DAB2IP: variants seen among roughly 807,000 people sequenced by gnomAD.
DAB2IP encodes the protein disabled homolog 2-interacting protein.
DAB2IP carries 28 observed loss-of-function variants against 107.2 expected under a neutral mutation model. The ratio of observed to expected loss-of-function variants is 0.26; its 90% CI spans 0.19 to 0.36. The LOEUF (loss-of-function observed/expected upper bound fraction) is 0.36, where lower values mean the gene tolerates loss of function less well. DAB2IP is among the 10% of genes least tolerant of loss of function. The pLI, the probability that DAB2IP is intolerant of heterozygous loss-of-function variation, is 1.00. For synonymous variants in DAB2IP, 755 were observed against 706.4 expected (o/e 1.07, Z -1.09); for missense variants, 1,400 against 1,644.7 (o/e 0.85, Z 2.57).
At chr9:121,597,958 T>C (rs68008542) in intron 1 of DAB2IP, among the ~76,000 whole-genome samples, 36,088 of 152,168 alleles carry the variant, frequency 0.24, 5,167 homozygotes, top group South Asian at 0.39. Flanking sequence ...ACCCCATTTC[T>C]GGGAGGCTCT....
intron 3 of DAB2IP, among the ~76,000 whole-genome samples, chr9:121,718,774 G>A (rs991969557): frequency 1.3e-5 from 2 of 152,180 alleles, no homozygotes; most frequent in Admixed American, 6.5e-5. Flanking sequence ...GGAGTTCCCC[G>A]GCTCGTGTTG....
At chr9:121,705,575 G>A (rs1830019432) in intron 3 of DAB2IP, among the ~76,000 whole-genome samples, 1 of 152,240 alleles carries the variant, frequency 6.6e-6, no homozygotes, top group Non-Finnish European at 1.5e-5. Context: ...GTGCCCATGT[G>A]TATAGTGTGT....
intron 1 of DAB2IP, among the ~76,000 whole-genome samples, chr9:121,608,262 C>T (rs902675524): frequency 1.1e-4 from 17 of 152,262 alleles, no homozygotes; most frequent in African/African-American, 2.9e-4. Flanking sequence ...TGTGGAGGTG[C>T]GTGCCCAATT....
chr9:121,678,849 C>CTG (rs1273696311), intron 2 of DAB2IP, 68 bp downstream of exon 2: 1 of 1,387,938 alleles, frequency 7.2e-7, no homozygotes, highest in Admixed American at 2.4e-5. Flanking sequence ...GGGTGCTGCT[C>CTG]TGTGACCCCA....
At chr9:121,691,396 AG>A (rs1326290694) in intron 2 of DAB2IP, among the ~76,000 whole-genome samples, 2 of 151,928 alleles carry the variant, frequency 1.3e-5, no homozygotes, top group African/African-American at 4.8e-5. Flanking sequence ...CCCAGGCAGG[AG>A]GAACAGCCCA....
intron 11 of DAB2IP, among the ~76,000 whole-genome samples, chr9:121,771,352 C>T (rs1471395071): frequency 2.0e-5 from 3 of 152,196 alleles, no homozygotes; most frequent in South Asian, 2.1e-4. Context: ...CCCTACTCTC[C>T]CCTCTCCCGC....
At position 121,698,793 on chromosome 9, in the gene DAB2IP, G is replaced by A. The variant is rs909010107; in HGVS notation, c.229-532G>A. 3.9e-5 allele frequency among the ~76,000 whole-genome samples: 6 copies of A among 152,326 alleles called. No individual in the cohort carries two copies. The East Asian group carries it at 1.2e-3, about 30-fold the overall frequency. The stretch of plus-strand genomic sequence containing the variant: ...CTCATCGGTACCACCGAGGGCTGGA[G>A]AGCAGCGACCTCGCAGCGGAGGAAG... On this transcript the variant is annotated intron_variant, in intron 2 of 15. Coordinates refer to ENST00000408936, the Ensembl canonical transcript of DAB2IP. This position sits in a 1 kb window ranked among gnomAD's most constrained non-coding sequence, Gnocchi z 4.1.
chr9:121,650,342 G>A (rs963570624), upstream of DAB2IP, among the ~76,000 whole-genome samples: 18 of 152,310 alleles, frequency 1.2e-4, no homozygotes, highest in African/African-American at 4.1e-4. Context: ...GGCTCCGCAG[G>A]ACTAGGGACC....
At chr9:121,581,307 T>C (rs1475986479) in intron 1 of DAB2IP, among the ~76,000 whole-genome samples, 1 of 152,164 alleles carries the variant, frequency 6.6e-6, no homozygotes, top group Non-Finnish European at 1.5e-5. Context: ...TCCAGTTCCC[T>C]GTTTAGTGGC....
intron 3 of DAB2IP, among the ~76,000 whole-genome samples, chr9:121,715,888 C>G (rs1830578818): frequency 6.6e-6 from 1 of 152,174 alleles, no homozygotes; most frequent in Non-Finnish European, 1.5e-5. Context: ...TTGTAAACTT[C>G]CCAAGGTTTC....
At chr9:121,651,498 C>G (rs372406704), upstream of DAB2IP, 1 of 255,288 alleles carries the variant, frequency 3.9e-6, no homozygotes, top group Non-Finnish European at 6.2e-6. This position sits in a 1 kb window ranked among gnomAD's most constrained non-coding sequence, Gnocchi z 5.1. Flanking sequence ...CCTCGCCCCG[C>G]CGATTCCAGG....
intron 7 of DAB2IP, 22 bp from the exon 8 acceptor site, chr9:121,763,713 C>T (rs1352968535): frequency 6.2e-7 from 1 of 1,613,018 alleles, no homozygotes; most frequent in Admixed American, 1.7e-5. Flanking sequence ...TCACTCCCCA[C>T]TCCCTGCCCA....
chr9:121,714,475 G>A (rs1000918555), intron 3 of DAB2IP, among the ~76,000 whole-genome samples: 4 of 152,188 alleles, frequency 2.6e-5, no homozygotes, highest in South Asian at 2.1e-4. Context: ...AGCTATTGGC[G>A]CTGTGAGCCT....
Position 121,748,292 on chromosome 9 carries a change from C to T in DAB2IP, c.363-8721C>T, listed in dbSNP as rs114278333. Among the ~76,000 whole-genome samples the T allele has an allele frequency of 9.9e-3, 1,502 of 152,274 alleles. 26 individuals are homozygous for T. Among genetic ancestry groups the T allele is most frequent in the African/African-American group, 0.034 (1,399 of 41,544 alleles). On this transcript the variant is annotated intron_variant, in intron 3 of 15. Coordinates refer to ENST00000408936, the Ensembl canonical transcript of DAB2IP. ...CCAAAGACTCCTTCAGGGAGAGGAA[C>T]GGGCCGTTGCTGGGGTGCTGGGCTG...
Position 121,569,544 on chromosome 9 carries a change from G to A in DAB2IP, c.40+2316G>A, listed in dbSNP as rs1829885296. ...AACAGAAATTAAAACAGAAGGCTGGGCGCAGTGGCTCATGCCTGAAATCCC... is the reference window on the plus strand; with the variant it reads ...AACAGAAATTAAAACAGAAGGCTGGACGCAGTGGCTCATGCCTGAAATCCC... On this transcript the variant is annotated intron_variant, in intron 1 of 16. Transcript: ENST00000259371. 1.3e-5 allele frequency among the ~76,000 whole-genome samples: 2 copies of A among 152,246 alleles called. 1 individual carries two copies. The highest frequency in any genetic ancestry group is 4.1e-4 in the South Asian group (2 of 4,832).
At chr9:121,623,293 T>C (rs1282227019) in intron 1 of DAB2IP, among the ~76,000 whole-genome samples, 1 of 152,200 alleles carries the variant, frequency 6.6e-6, no homozygotes, top group African/African-American at 2.4e-5. Context: ...TTGAGAGGCC[T>C]CCTCTTTGAG....
chr9:121,606,086 T>G (rs1564696491), intron 1 of DAB2IP, among the ~76,000 whole-genome samples: 2 of 152,320 alleles, frequency 1.3e-5, no homozygotes, highest in South Asian at 2.1e-4. Flanking sequence ...CTCACGCCTG[T>G]GATCCCAGCA....
chr9:121,658,407 G>A (rs1216452917), intron 1 of DAB2IP, among the ~76,000 whole-genome samples: 1 of 152,216 alleles, frequency 6.6e-6, no homozygotes, highest in Non-Finnish European at 1.5e-5. Flanking sequence ...GGAAGCTTGC[G>A]CTTGACAGTT....
intron 1 of DAB2IP, among the ~76,000 whole-genome samples, chr9:121,608,926 T>TTTTG (rs532891232): frequency 0.023 from 3,492 of 152,006 alleles, 137 homozygotes; most frequent in African/African-American, 0.077. Context: ...TTTTTCTAGT[T>TTTTG]TTTGTTTGTT....
Sources: gnomAD v4.1 joint callset for allele counts (sites outside exome capture counted in the v4.1 genomes callset) on GRCh38, gnomAD v4.1.1 for gene constraint, Gnocchi (gnomAD v3.1) non-coding constraint, MANE v1.5 for transcripts, NCBI Gene and HGNC (gene_info 2026-07-23, HGNC 2026-07-21) for gene names.